PRKD1: variants seen among roughly 807,000 people sequenced by gnomAD.
PRKD1 encodes serine/threonine-protein kinase D1.
PRKD1 carries 63 observed loss-of-function variants against 95.9 expected under a neutral mutation model. That is an observed-to-expected ratio of 0.66 (90% CI 0.54 to 0.81). The LOEUF is 0.81. Among genes scored for constraint, PRKD1 ranks in the 30% least tolerant of loss-of-function variants. The pLI, the probability that PRKD1 is intolerant of heterozygous loss-of-function variation, is 0.00. For missense variants in PRKD1, 1,048 were observed against 1,165.3 expected, an observed-to-expected ratio of 0.90 and a Z score of 1.47; for synonymous variants, 425 against 423.1, an observed-to-expected ratio of 1.00 and a Z score of -0.05.
chr14:29,735,673 A>G (rs938828416), intron 1 of PRKD1, among the ~76,000 whole-genome samples: 1 of 152,248 alleles, frequency 6.6e-6, no homozygotes, highest in East Asian at 1.9e-4. Flanking sequence ...CTACCAGCTC[A>G]GCACCATTCC....
Position 29,726,787 on chromosome 14 carries a change from T to TA in PRKD1, c.265-1114dup, listed in dbSNP as rs796753846. On this transcript the variant is annotated intron_variant, in intron 1 of 17. Transcript: ENST00000331968. ...TGTCACTTAGTAAAGTTAACTTCCTTAAAAAAAAAAAACACAACAGCTGAA... is the reference window on the plus strand; with the variant it reads ...TGTCACTTAGTAAAGTTAACTTCCTTAAAAAAAAAAAAACACAACAGCTGAA... Among the ~76,000 whole-genome samples the TA allele has an allele frequency of 2.4e-3, 337 of 141,014 alleles. 3 individuals carry two copies. Among genetic ancestry groups the TA allele is most frequent in the East Asian group, 0.014 (70 of 4,932 alleles). 92.5% of individuals were successfully genotyped at this position (141,014 alleles called of 152,430 possible).
intron 1 of PRKD1, among the ~76,000 whole-genome samples, chr14:29,887,012 C>A (rs1197064945): frequency 1.3e-5 from 2 of 152,310 alleles, no homozygotes; most frequent in Non-Finnish European, 2.9e-5. Context: ...ATCTCAATGG[C>A]ACATCTGGTA....
At position 29,843,675 on chromosome 14, in the gene PRKD1, T is replaced by C. The variant is rs530846804; in HGVS notation, c.264+83574A>G. Among the ~76,000 whole-genome samples, 4 of 152,344 alleles carry C rather than the reference T, an allele frequency of 2.6e-5. No individual in the cohort carries two copies. In the South Asian group the frequency reaches 6.2e-4, roughly 24 times the overall value. The stretch of plus-strand genomic sequence containing the variant: ...TGTGCCAGGTACTATTCTATGAACT[T>C]GACTTCAGTAAGCAAAAGCAGACAA... On this transcript the variant is annotated intron_variant, in intron 1 of 17. Coordinates refer to ENST00000331968, the MANE Select transcript of PRKD1 (RefSeq NM_002742.3).
At chr14:29,685,248 T>A (rs1388275306) in intron 2 of PRKD1, among the ~76,000 whole-genome samples, 2 of 152,238 alleles carry the variant, frequency 1.3e-5, no homozygotes, top group African/African-American at 4.8e-5. Flanking sequence ...CTAGGATGTA[T>A]GTCTTTCCCC....
intron 1 of PRKD1, among the ~76,000 whole-genome samples, chr14:29,760,819 C>A (rs187618195): frequency 3.0e-4 from 46 of 152,290 alleles, no homozygotes; most frequent in Non-Finnish European, 5.9e-4. Context: ...TAATAACAAT[C>A]TTCCTGTTTA....
At chr14:29,680,075 C>A (rs990934327) in intron 2 of PRKD1, among the ~76,000 whole-genome samples, 4 of 152,088 alleles carry the variant, frequency 2.6e-5, no homozygotes, top group Non-Finnish European at 5.9e-5. Context: ...GTGGTTCAGT[C>A]GTTTGGAAGT....
At chr14:29,911,622 T>C (rs779948665) in intron 1 of PRKD1, among the ~76,000 whole-genome samples, 16 of 152,242 alleles carry the variant, frequency 1.1e-4, no homozygotes, top group Non-Finnish European at 2.1e-4. Context: ...TATATTTAAC[T>C]CTGAGTAGTA....
chr14:29,907,312 C>G (rs531508608), intron 1 of PRKD1, among the ~76,000 whole-genome samples: 56 of 152,226 alleles, frequency 3.7e-4, no homozygotes, highest in Admixed American at 5.9e-4. Flanking sequence ...AATTATGGAT[C>G]AAAGGTAGAA....
intron 1 of PRKD1, among the ~76,000 whole-genome samples, chr14:29,823,934 A>T (rs1891017031): frequency 6.6e-6 from 1 of 152,146 alleles, no homozygotes. Context: ...CCAAATGTTC[A>T]ATTTGAGAAC....
intron 1 of PRKD1, among the ~76,000 whole-genome samples, chr14:29,886,612 A>G (rs2139405074): frequency 6.6e-6 from 1 of 152,368 alleles, no homozygotes; most frequent in Admixed American, 6.5e-5. Context: ...AAGTGTACTC[A>G]GCCATGCAAT....
In PRKD1 at chr14:29,577,336, G is replaced by A; in HGVS notation, c.2641C>T (p.Pro881Ser). ...KYAGEQGLQY[P>S]THLINPSASH... ...GCACTTGGATTGATCAGGTGTGTGG[G>A]GTACTGCAGCCCCTGCTCGCCTGCA... is the stretch of plus-strand genomic sequence containing the variant. Residue 881 changes from proline to serine, a missense_variant, in exon 18 of 18, where the codon CCC becomes TCC. This residue lies in a region of PRKD1 where 739 missense variants were observed against 861.9 expected (regional missense o/e 0.86). Coordinates refer to ENST00000331968, the MANE Select transcript of PRKD1 (RefSeq NM_002742.3). 1.9e-6 allele frequency: 3 copies of A among 1,613,764 alleles called. No individual in the cohort carries two copies. Among genetic ancestry groups the A allele is most frequent in the Non-Finnish European group, 2.5e-6 (3 of 1,179,822 alleles).
At chr14:29,579,611 C>G in intron 16 of PRKD1, among the ~76,000 whole-genome samples, 1 of 152,216 alleles carries the variant, frequency 6.6e-6, no homozygotes, top group South Asian at 2.1e-4. Context: ...ACAAAGACTG[C>G]TTCCTTCAAT....
chr14:29,833,183 A>C (rs1028416154), intron 1 of PRKD1, among the ~76,000 whole-genome samples: 21 of 152,156 alleles, frequency 1.4e-4, no homozygotes, highest in African/African-American at 4.8e-4. Context: ...GGTGGCTCCT[A>C]AAGAATGTTT....
intron 2 of PRKD1, among the ~76,000 whole-genome samples, chr14:29,676,037 G>A (rs962538003): frequency 2.7e-4 from 41 of 151,580 alleles, no homozygotes; most frequent in African/African-American, 9.7e-4. Flanking sequence ...TAAATGACGC[G>A]TTAATGGGTG....
chr14:29,747,734 T>C (rs558818155), intron 1 of PRKD1, among the ~76,000 whole-genome samples: 4 of 152,296 alleles, frequency 2.6e-5, no homozygotes, highest in African/African-American at 7.2e-5. Context: ...TTCCTTTTTT[T>C]ACTTTATTAA....
In PRKD1 at chr14:29,889,380, A is replaced by C. The variant is rs183538230; in HGVS notation, c.264+37869T>G. On this transcript the variant is annotated intron_variant, in intron 1 of 17. Transcript: ENST00000331968. ...GGTTCATCTCATTGGGACTGGTTGG[A>C]CAGTAGGTGCAGCCCATGGAGGGCA... Among the ~76,000 whole-genome samples, 3 of 152,212 alleles carry C rather than the reference A, an allele frequency of 2.0e-5. No individual in the cohort carries two copies. In the East Asian group the frequency reaches 5.8e-4, roughly 30 times the overall value.
intron 1 of PRKD1, among the ~76,000 whole-genome samples, chr14:29,758,886 T>G (rs2139481455): frequency 6.6e-6 from 1 of 152,352 alleles, no homozygotes; most frequent in South Asian, 2.1e-4. Flanking sequence ...GTCACATCAG[T>G]TATTTTCCAT....
intron 8 of PRKD1, 147 bp downstream of exon 8, chr14:29,634,271 T>A: frequency 1.7e-6 from 2 of 1,204,404 alleles, no homozygotes; most frequent in South Asian, 3.1e-5. Context: ...ACCCAGAGAC[T>A]GTAATGCACC....
chr14:29,592,479 A>G (rs376771435), intron 16 of PRKD1, among the ~76,000 whole-genome samples: 1 of 152,196 alleles, frequency 6.6e-6, no homozygotes, highest in Non-Finnish European at 1.5e-5. Flanking sequence ...TAACTATTGT[A>G]AGTTATACAT....
Sources: allele counts gnomAD v4.1 joint callset (sites outside exome capture counted in the v4.1 genomes callset), GRCh38; gene constraint gnomAD v4.1.1; regional missense constraint gnomAD v4.1.1; transcripts MANE v1.5; gene names NCBI Gene and HGNC (gene_info 2026-07-23, HGNC 2026-07-21).